Variants in ZCCHC17 observed in about 807,000 individuals in gnomAD.
ZCCHC17 encodes the protein zinc finger CCHC domain-containing protein 17.
ZCCHC17 carries 18 observed loss-of-function variants against 30.6 expected under a neutral mutation model. The observed-to-expected ratio is 0.59, with a 90% CI of 0.41 to 0.87. ZCCHC17 has a LOEUF of 0.87. ZCCHC17 is among the 40% of genes least tolerant of loss of function. The probability of loss-of-function intolerance (pLI) is 0.00; values close to 1 mark genes in which losing one functional copy is unlikely to be tolerated. For missense variants in ZCCHC17, 263 were observed against 284.2 expected (o/e 0.93, Z 0.54); for synonymous variants, 88 against 92.4 (o/e 0.95, Z 0.27).
intron 1 of ZCCHC17, among the ~76,000 whole-genome samples, chr1:31,307,428 G>A (rs1160489979): frequency 8.6e-6 from 1 of 116,024 alleles, no homozygotes; most frequent in Non-Finnish European, 1.8e-5. Context: ...TTTTTTTTTT[G>A]AGATGGAATC....
intron 3 of ZCCHC17, among the ~76,000 whole-genome samples, chr1:31,329,008 T>C (rs867838926): frequency 6.6e-6 from 1 of 152,118 alleles, no homozygotes; most frequent in Non-Finnish European, 1.5e-5. Flanking sequence ...TGTCTCAAAA[T>C]AGAAAAAGTT....
chr1:31,326,383 A>T (rs567038530), intron 3 of ZCCHC17, among the ~76,000 whole-genome samples: 32 of 152,314 alleles, frequency 2.1e-4, no homozygotes, highest in African/African-American at 7.5e-4. Flanking sequence ...TTTGCTTAAG[A>T]AATGGTTTAC....
intron 7 of ZCCHC17, among the ~76,000 whole-genome samples, chr1:31,360,165 G>T (rs563996953): frequency 2.0e-5 from 3 of 150,436 alleles, no homozygotes; most frequent in African/African-American, 7.4e-5. Context: ...TTGTGTGTGC[G>T]TGTTTTGTTT....
At chr1:31,298,361 A>C (rs574414143) in intron 1 of ZCCHC17, among the ~76,000 whole-genome samples, 51 of 148,914 alleles carry the variant, frequency 3.4e-4, no homozygotes, top group Non-Finnish European at 5.6e-4. Flanking sequence ...GAACACTAGA[A>C]GATGATTAGA....
chr1:31,337,052 C>T (rs983516650), intron 3 of ZCCHC17, 123 bp from the exon 4 acceptor site: 5 of 805,920 alleles, frequency 6.2e-6, no homozygotes, highest in South Asian at 2.1e-5. Flanking sequence ...TTAAGTTTCA[C>T]GCTTTTCAGT....
intron 1 of ZCCHC17, among the ~76,000 whole-genome samples, chr1:31,306,464 A>G (rs1413034551): frequency 6.6e-6 from 1 of 152,220 alleles, no homozygotes; most frequent in African/African-American, 2.4e-5. Context: ...CATATCCCAG[A>G]TGGAACAGAG....
intron 2 of ZCCHC17, among the ~76,000 whole-genome samples, chr1:31,315,055 C>T (rs1357390716): frequency 6.6e-6 from 1 of 152,166 alleles, no homozygotes; most frequent in Non-Finnish European, 1.5e-5. Flanking sequence ...AACTCTGTTA[C>T]AGCATTTATC....
chr1:31,344,509 C>G (rs1005420233), intron 5 of ZCCHC17, among the ~76,000 whole-genome samples: 5 of 152,096 alleles, frequency 3.3e-5, no homozygotes, highest in Admixed American at 6.5e-5. Flanking sequence ...AGAATCTGTG[C>G]TGGGATGGAT....
intron 2 of ZCCHC17, among the ~76,000 whole-genome samples, chr1:31,310,475 C>T (rs747906798): frequency 1.4e-4 from 22 of 152,234 alleles, no homozygotes; most frequent in Admixed American, 2.6e-4. Context: ...AGTGCATCAA[C>T]GTTGGGAGGT....
intron 1 of ZCCHC17, among the ~76,000 whole-genome samples, chr1:31,303,480 A>G (rs1467874501): frequency 6.6e-6 from 1 of 152,248 alleles, no homozygotes; most frequent in Non-Finnish European, 1.5e-5. Context: ...CAAGCTGGAA[A>G]ATGATAACAA....
At chr1:31,323,463 A>G (rs1461893463) in intron 3 of ZCCHC17, among the ~76,000 whole-genome samples, 1 of 152,066 alleles carries the variant, frequency 6.6e-6, no homozygotes, top group Non-Finnish European at 1.5e-5. Context: ...CTGGGACTAC[A>G]GGCACCCGCC....
At chr1:31,349,085 TA>T (rs34282779) in intron 7 of ZCCHC17, 111 bp downstream of exon 7, 182,318 of 1,311,050 alleles carry the variant, frequency 0.14, 13,765 homozygotes, top group African/African-American at 0.17. Context: ...CTTGGGAGGA[TA>T]AGGTGGGAGG....
intron 3 of ZCCHC17, among the ~76,000 whole-genome samples, chr1:31,322,333 T>C (rs1646880256): frequency 6.6e-6 from 1 of 152,246 alleles, no homozygotes; most frequent in Non-Finnish European, 1.5e-5. Flanking sequence ...TCAGATTACC[T>C]ACACTTTTGT....
chr1:31,305,268 T>G (rs1179636719), intron 1 of ZCCHC17, among the ~76,000 whole-genome samples: 2 of 151,724 alleles, frequency 1.3e-5, no homozygotes, highest in Non-Finnish European at 2.9e-5. Flanking sequence ...TATTTCAGAG[T>G]TGACTTTTTT....
chr1:31,329,677 G>A (rs12027502), intron 3 of ZCCHC17, among the ~76,000 whole-genome samples: 30,502 of 152,082 alleles, frequency 0.2, 3,685 homozygotes, highest in East Asian at 0.46. Flanking sequence ...TAGGCTGTTT[G>A]GATGAGTCAG....
At chr1:31,312,881 T>G (rs1276474012) in intron 2 of ZCCHC17, among the ~76,000 whole-genome samples, 1 of 151,902 alleles carries the variant, frequency 6.6e-6, no homozygotes, top group Non-Finnish European at 1.5e-5. Flanking sequence ...CAAGCAATTC[T>G]CCTGCCTCAG....
chr1:31,332,154 G>A (rs1638619880), intron 3 of ZCCHC17, among the ~76,000 whole-genome samples: 2 of 152,176 alleles, frequency 1.3e-5, no homozygotes, highest in Admixed American at 1.3e-4. Flanking sequence ...ATAAACTGGT[G>A]TGTGTCTCTC....
chr1:31,352,439 A>G (rs2148474126), intron 7 of ZCCHC17, among the ~76,000 whole-genome samples: 1 of 152,238 alleles, frequency 6.6e-6, no homozygotes, highest in East Asian at 1.9e-4. Context: ...GCATCATAGC[A>G]TATGTTAGAA....
intron 1 of ZCCHC17, among the ~76,000 whole-genome samples, chr1:31,307,582 T>G (rs1275916097): frequency 1.3e-5 from 2 of 151,246 alleles, no homozygotes; most frequent in East Asian, 1.9e-4. Flanking sequence ...TTTTGTTGTT[T>G]TTTTTTTTTT....
Sources: allele counts gnomAD v4.1 joint callset (sites outside exome capture counted in the v4.1 genomes callset), GRCh38; gene constraint gnomAD v4.1.1; transcripts MANE v1.5; gene names NCBI Gene and HGNC (gene_info 2026-07-23, HGNC 2026-07-21).